PPP1R42: variants seen among roughly 807,000 people sequenced by gnomAD.
PPP1R42 encodes the protein leucine rich repeat containing 67.
PPP1R42 carries 34 observed loss-of-function variants against 31.0 expected under a neutral mutation model. The observed-to-expected ratio is 1.10, with a 90% CI of 0.83 to 1.46. The LOEUF is 1.46. PPP1R42 is among the 40% of genes most tolerant of loss of function. The pLI is 0.00. For missense variants in PPP1R42, 268 were observed against 303.0 expected, an observed-to-expected ratio of 0.88 and a Z score of 0.86; for synonymous variants, 103 against 109.8, an observed-to-expected ratio of 0.94 and a Z score of 0.39.
intron 1 of PPP1R42, among the ~76,000 whole-genome samples, chr8:67,020,699 AC>A: frequency 6.6e-6 from 1 of 152,252 alleles, no homozygotes; most frequent in East Asian, 1.9e-4. Context: ...AGGTCAATAA[AC>A]ATTTGCTATC....
chr8:66,980,309 C>G (rs912315329), intron 7 of PPP1R42, among the ~76,000 whole-genome samples: 2 of 152,130 alleles, frequency 1.3e-5, no homozygotes, highest in Admixed American at 6.5e-5. Context: ...TCACTACAGC[C>G]TTGATCTCCC....
intron 7 of PPP1R42, among the ~76,000 whole-genome samples, chr8:66,981,596 G>T (rs1814839049): frequency 6.6e-6 from 1 of 151,920 alleles, no homozygotes; most frequent in African/African-American, 2.4e-5. Flanking sequence ...GGCCAGGATG[G>T]TCTTGAACTC....
chr8:67,012,470 T>G (rs1815871586), intron 4 of PPP1R42, among the ~76,000 whole-genome samples: 1 of 152,148 alleles, frequency 6.6e-6, no homozygotes, highest in Non-Finnish European at 1.5e-5. Flanking sequence ...CTCCCAGGCC[T>G]ACATAGTTCT....
intron 7 of PPP1R42, among the ~76,000 whole-genome samples, chr8:66,967,030 G>A (rs1585954002): frequency 6.6e-6 from 1 of 152,264 alleles, no homozygotes; most frequent in Middle Eastern, 3.4e-3. Flanking sequence ...AGTCTGGAGT[G>A]CAGTGGCACA....
intron 4 of PPP1R42, among the ~76,000 whole-genome samples, chr8:67,012,639 G>A (rs1006091726): frequency 2.0e-5 from 3 of 152,102 alleles, no homozygotes; most frequent in Non-Finnish European, 4.4e-5. Context: ...TTAAAATGTT[G>A]AGCCATGATA....
intron 7 of PPP1R42, among the ~76,000 whole-genome samples, chr8:66,968,169 A>G (rs1438303524): frequency 6.6e-6 from 1 of 152,230 alleles, no homozygotes; most frequent in Non-Finnish European, 1.5e-5. Context: ...TAAAGTATAC[A>G]TTGATAGTAT....
chr8:66,979,967 G>A (rs986513204), intron 7 of PPP1R42, among the ~76,000 whole-genome samples: 2 of 152,000 alleles, frequency 1.3e-5, no homozygotes, highest in Admixed American at 1.3e-4. Flanking sequence ...CCCAATTCTG[G>A]GGTGAGGGCT....
chr8:67,005,392 G>A (rs184566508), intron 5 of PPP1R42, among the ~76,000 whole-genome samples: 11 of 151,970 alleles, frequency 7.2e-5, no homozygotes. Flanking sequence ...GATTGGTCTT[G>A]GTCTCATTTT....
chr8:67,026,151 TATG>T (rs1816390980), intron 1 of PPP1R42, among the ~76,000 whole-genome samples: 1 of 149,214 alleles, frequency 6.7e-6, no homozygotes, highest in Non-Finnish European at 1.5e-5. Context: ...GCCTGACCAA[TATG>T]ATGAAACCCT....
At chr8:66,999,204 G>A (rs1815415285) in intron 5 of PPP1R42, among the ~76,000 whole-genome samples, 1 of 151,472 alleles carries the variant, frequency 6.6e-6, no homozygotes, top group Non-Finnish European at 1.5e-5. Flanking sequence ...ACTACAGATG[G>A]GCACCACCAT....
At chr8:66,969,534 G>A (rs1024683713) in intron 7 of PPP1R42, among the ~76,000 whole-genome samples, 1 of 152,178 alleles carries the variant, frequency 6.6e-6, no homozygotes, top group Non-Finnish European at 1.5e-5. Flanking sequence ...CCCAAATAAA[G>A]CATTTTCCAT....
intron 4 of PPP1R42, among the ~76,000 whole-genome samples, chr8:67,012,105 G>A (rs529705790): frequency 6.5e-4 from 99 of 151,982 alleles, no homozygotes; most frequent in Middle Eastern, 3.4e-3. Context: ...GCGTGGTGGC[G>A]CACGCCTGTA....
intron 1 of PPP1R42, among the ~76,000 whole-genome samples, chr8:67,019,087 C>A (rs1318473387): frequency 8.6e-5 from 13 of 150,876 alleles, no homozygotes; most frequent in African/African-American, 3.2e-4. Context: ...TGGCCTGCCT[C>A]GGCCTCCCAA....
At chr8:67,005,323 C>T (rs541796117) in intron 5 of PPP1R42, among the ~76,000 whole-genome samples, 3 of 152,086 alleles carry the variant, frequency 2.0e-5, no homozygotes, top group South Asian at 4.2e-4. Flanking sequence ...TCCTTTTTCT[C>T]TTCTTCTACA....
chr8:66,993,437 GCACTATGTTCCACCTT>G (rs1421153857), intron 5 of PPP1R42, among the ~76,000 whole-genome samples: 2 of 152,182 alleles, frequency 1.3e-5, no homozygotes, highest in African/African-American at 4.8e-5. Context: ...GCTGGCCTCT[GCACTATGTTCCACCTT>G]CACTATCTCA....
chr8:67,018,443 C>T (rs1400625126), intron 1 of PPP1R42, among the ~76,000 whole-genome samples: 1 of 151,330 alleles, frequency 6.6e-6, no homozygotes, highest in African/African-American at 2.4e-5. Context: ...GAGACTGGAT[C>T]TCATGTTATG....
chr8:66,975,369 G>A (rs1054972863), intron 7 of PPP1R42, among the ~76,000 whole-genome samples: 4 of 151,960 alleles, frequency 2.6e-5, no homozygotes, highest in Non-Finnish European at 4.4e-5. Context: ...GTTTTTGGGC[G>A]GGGCGCAGTG....
At chr8:66,970,891 T>C (rs1449543947) in intron 7 of PPP1R42, 9 of 946,576 alleles carry the variant, frequency 9.5e-6, no homozygotes, top group Non-Finnish European at 1.5e-5. Context: ...AGGAGACAGA[T>C]TGGATGGCCT....
At chr8:66,984,639 T>C in intron 6 of PPP1R42, 1 of 1,348,420 alleles carries the variant, frequency 7.4e-7, no homozygotes, top group Non-Finnish European at 1.1e-6. Context: ...GCTTTTAAAT[T>C]TTCTTGACCT....
Sources: gnomAD v4.1 joint callset for allele counts (sites outside exome capture counted in the v4.1 genomes callset) on GRCh38, gnomAD v4.1.1 for gene constraint, MANE v1.5 for transcripts, NCBI Gene and HGNC (gene_info 2026-07-23, HGNC 2026-07-21) for gene names.